MICAL3: variants seen among roughly 807,000 people sequenced by gnomAD.
The protein encoded by MICAL3 is microtubule associated monooxygenase, calponin and LIM domain containing 3.
Under a neutral mutation model 207.4 loss-of-function variants are expected in MICAL3, and 62 were observed. The observed-to-expected ratio is 0.30, with a 90% CI of 0.24 to 0.37. The LOEUF is 0.37. Among genes scored for constraint, MICAL3 ranks in the 10% least tolerant of loss-of-function variants. MICAL3 has a pLI of 1.00. For synonymous variants in MICAL3, 1,077 were observed against 1,069.3 expected (o/e 1.01, Z -0.14); for missense variants, 2,368 against 2,635.6 (o/e 0.90, Z 2.22).
chr22:17,850,029 A>G (rs1055002438), intron 19 of MICAL3, among the ~76,000 whole-genome samples: 2 of 152,076 alleles, frequency 1.3e-5, no homozygotes, highest in South Asian at 4.2e-4. Context: ...CACATGAACT[A>G]TTCTTCATTT....
intron 7 of MICAL3, 93 bp from the exon 8 acceptor site, chr22:17,897,074 C>T: frequency 4.3e-6 from 6 of 1,403,428 alleles, no homozygotes; most frequent in Non-Finnish European, 5.8e-6. Flanking sequence ...CTTCTTCTTC[C>T]CCCTAAAGTG....
At chr22:17,899,344 C>T (rs1233045017) in intron 7 of MICAL3, 104 bp downstream of exon 7, 2 of 787,104 alleles carry the variant, frequency 2.5e-6, no homozygotes, top group Non-Finnish European at 2.2e-6. Context: ...GCATTCAGTG[C>T]TCATTTTCAT....
Position 17,896,241 on chromosome 22 carries a change from A to G in MICAL3, c.1322+5T>C, listed in dbSNP as rs375922597. ...TGAAAGGAACCCCGGGTTACTTCCC[A>G]TTACCTCTCTGCCAGCACTTCCAAA... On this transcript the variant is annotated splice_donor_5th_base_variant and intron_variant, in intron 9 of 31. Coordinates refer to ENST00000441493, the MANE Select transcript of MICAL3 (RefSeq NM_015241.3). 6.5e-7 allele frequency: 1 copy of G among 1,539,076 alleles called. No individual in the cohort carries two copies.
chr22:18,002,055 G>T (rs192556635), intron 1 of MICAL3, among the ~76,000 whole-genome samples: 3 of 152,044 alleles, frequency 2.0e-5, no homozygotes, highest in African/African-American at 7.2e-5. Flanking sequence ...AAAATTAGCC[G>T]GGCGTGGTTG....
In MICAL3 at chr22:17,791,045, C is replaced by A. The variant is rs369031735; in HGVS notation, c.5777G>T (p.Arg1926Leu). 3.7e-6 allele frequency: 6 copies of A among 1,611,902 alleles called. No homozygotes were observed. The highest frequency in any genetic ancestry group is 5.1e-6 in the Non-Finnish European group (6 of 1,179,798). The part of the protein sequence containing the change: ...IFARELELED[R>L]QSRLQQELRE... ...GAGCTCCTGCTGCAGTCGACTCTGC[C>A]GGTCTTCCAGCTCCAGCTCCCGGGC... Residue 1926 changes from arginine to leucine, a missense_variant, in exon 31 of 32, where the codon CGG (arginine) becomes CTG (leucine). Physicochemically the swap from Arg to Leu is moderately radical, Grantham distance 102. Transcript: ENST00000441493.
intron 19 of MICAL3, chr22:17,862,211 T>C (rs549785077): frequency 1.0e-6 from 1 of 985,190 alleles, no homozygotes; most frequent in East Asian, 1.1e-4. Flanking sequence ...ATGACTGTTC[T>C]CTACAACATA....
intron 16 of MICAL3, chr22:17,875,569 A>G: frequency 6.7e-7 from 1 of 1,498,422 alleles, no homozygotes; most frequent in Non-Finnish European, 9.0e-7. Flanking sequence ...AAAATACAAG[A>G]TGGAGAAAAA....
chr22:18,010,768 T>G (rs1252603659), intron 1 of MICAL3, among the ~76,000 whole-genome samples: 1 of 152,024 alleles, frequency 6.6e-6, no homozygotes, highest in Non-Finnish European at 1.5e-5. Context: ...GAAGGATAAA[T>G]ACTAACATGT....
At chr22:17,882,195 A>G (rs1266272695) in intron 16 of MICAL3, among the ~76,000 whole-genome samples, 1 of 152,220 alleles carries the variant, frequency 6.6e-6, no homozygotes, top group African/African-American at 2.4e-5. Flanking sequence ...AAAAGGCAAA[A>G]GGGTGGGGAA....
rs371166227 is a variant in MICAL3, at chr22:17,906,760, C to A, written c.53G>T (p.Arg18Leu). The change falls in exon 2 of 32, where the codon CGG becomes CTG. Residue 18 changes from arginine (R) to leucine (L), a missense_variant. Physicochemically the swap from Arg to Leu is moderately radical, Grantham distance 102. Transcript: ENST00000441493. ...TMNPAHVLFD[R>L]FVQATTCKGT... ...CTTGCAGGTGGTGGCCTGGACAAAC[C>A]GGTCAAAGAGGACATGAGCTGGGTT... 1 of 1,613,576 alleles carries A rather than the reference C, an allele frequency of 6.2e-7. No individual in the cohort carries two copies. The highest frequency in any genetic ancestry group is 1.1e-5 in the South Asian group (1 of 91,040).
intron 19 of MICAL3, among the ~76,000 whole-genome samples, chr22:17,848,747 G>C (rs1257844737): frequency 6.6e-6 from 1 of 152,218 alleles, no homozygotes; most frequent in African/African-American, 2.4e-5. Flanking sequence ...CCCTGGGTAG[G>C]AAAGATTCAG....
rs538616672 is a variant in MICAL3 at position 17,880,565 on chromosome 22, C to T, written c.2241+5313G>A. Among the ~76,000 whole-genome samples, 12 of 152,328 alleles carry T rather than the reference C, an allele frequency of 7.9e-5. No individual in the cohort carries two copies. In the East Asian group the frequency reaches 1.7e-3, roughly 22 times the overall value. The stretch of plus-strand genomic sequence containing the variant: ...CTTTCCATAGATCCTGCTCTTGAAA[C>T]TCACATTTTATAGAAACATACCATG... On this transcript the variant is annotated intron_variant, in intron 16 of 31. Transcript: ENST00000441493.
intron 29 of MICAL3, among the ~76,000 whole-genome samples, chr22:17,802,450 T>C (rs2061950350): frequency 6.6e-6 from 1 of 152,028 alleles, no homozygotes; most frequent in African/African-American, 2.4e-5. Flanking sequence ...GTCTGTTAAT[T>C]GGAATGTAAG....
At chr22:17,810,305 C>G (rs996427316) in intron 28 of MICAL3, among the ~76,000 whole-genome samples, 1 of 152,058 alleles carries the variant, frequency 6.6e-6, no homozygotes, top group East Asian at 1.9e-4. Context: ...CCTTGTGATC[C>G]GCCCGCCTTG....
chr22:17,858,377 G>T, intron 19 of MICAL3: 1 of 698,034 alleles, frequency 1.4e-6, no homozygotes, highest in Non-Finnish European at 1.8e-6. Context: ...CTTGTGAGGC[G>T]CTTGGCTGGG....
Position 17,900,873 on chromosome 22 carries a change from T to C in MICAL3, c.816A>G (p.Gln272=). ...EISGVAFIFN[Q]KFFQELREAT... ...CTTCCCTCAGTTCCTGGAAAAATTT[T>C]TGGTTGAATATAAAAGCCACACCAC... The change falls in exon 6 of 32, where the codon CAA becomes CAG. Residue 272 remains glutamine, a synonymous_variant. Transcript: ENST00000441493. This position sits in a 1 kb window ranked among gnomAD's most constrained non-coding sequence, Gnocchi z 4.0. 2 of 1,614,028 alleles carry C rather than the reference T, an allele frequency of 1.2e-6. No homozygotes were observed. Among genetic ancestry groups the C allele is most frequent in the East Asian group, 4.5e-5 (2 of 44,882 alleles).
chr22:17,972,615 T>C (rs438708), intron 1 of MICAL3, among the ~76,000 whole-genome samples: 81,589 of 151,800 alleles, frequency 0.54, 22,102 homozygotes, highest in Middle Eastern at 0.67. Context: ...CAGGTCAGGG[T>C]CCGGGGCTGG....
intron 1 of MICAL3, among the ~76,000 whole-genome samples, chr22:17,963,891 C>T (rs989946944): frequency 5.9e-5 from 9 of 152,124 alleles, no homozygotes; most frequent in Middle Eastern, 3.2e-3. Flanking sequence ...GGCACAAGGT[C>T]GTGGGGACAT....
intron 1 of MICAL3, among the ~76,000 whole-genome samples, chr22:18,021,638 G>A (rs57597439): frequency 6.6e-6 from 1 of 152,204 alleles, no homozygotes; most frequent in Non-Finnish European, 1.5e-5. Context: ...GAGGGAGTGG[G>A]GCATGGGAGA....
Sources: gnomAD v4.1 joint callset for allele counts (sites outside exome capture counted in the v4.1 genomes callset) on GRCh38, gnomAD v4.1.1 for gene constraint, Gnocchi (gnomAD v3.1) non-coding constraint, MANE v1.5 for transcripts, NCBI Gene and HGNC (gene_info 2026-07-23, HGNC 2026-07-21) for gene names.